Variants in NFASC observed in about 807,000 individuals in gnomAD.
NFASC encodes the protein neurofascin homolog.
NFASC carries 43 observed loss-of-function variants against 147.5 expected under a neutral mutation model. The ratio of observed to expected loss-of-function variants is 0.29; its 90% confidence interval spans 0.23 to 0.38. NFASC has a LOEUF of 0.38. NFASC is among the 10% of genes least tolerant of loss of function. NFASC has a pLI of 1.00. For missense variants in NFASC, 1,320 were observed against 1,689.0 expected (o/e 0.78, Z 3.83); for synonymous variants, 622 against 665.5 (o/e 0.93, Z 1.01).
chr1:204,930,203 A>G (rs769542291), intron 2 of NFASC, among the ~76,000 whole-genome samples: 4 of 152,112 alleles, frequency 2.6e-5, no homozygotes, highest in Non-Finnish European at 5.9e-5. Context: ...GAGTGGAGCA[A>G]ATAGGGTGAC....
Position 205,022,150 on chromosome 1 carries a change from ACT to A in NFASC, c.*5614_*5615del, listed in dbSNP as rs1347709996. 6.6e-6 allele frequency: 1 copy of A among 152,436 alleles called. No individual in the cohort carries two copies. Among genetic ancestry groups the A allele is most frequent in the Non-Finnish European group, 1.5e-5 (1 of 68,004 alleles). 9.4% of individuals were successfully genotyped at this position (152,436 alleles called of 1,614,324 possible). A position where few individuals can be genotyped will look rare whatever the true frequency, so the allele number is the denominator to read the frequency against. ...GAAGATATCCAGAATTTTGTACATT[ACT>A]CTGTTTCTTTTTCAAAAATGAGGCA... On this transcript the variant is annotated 3_prime_UTR_variant, in exon 30 of 30. Coordinates refer to ENST00000339876, the MANE Select transcript of NFASC (RefSeq NM_001005388.3).
chr1:204,933,922 A>G (rs530285278), intron 2 of NFASC, among the ~76,000 whole-genome samples: 2 of 152,092 alleles, frequency 1.3e-5, no homozygotes, highest in South Asian at 2.1e-4. Flanking sequence ...TGGATCATCT[A>G]TGGTCAGGAG....
At chr1:204,899,647 GGAAA>G (rs909603257) in intron 1 of NFASC, among the ~76,000 whole-genome samples, 2 of 152,128 alleles carry the variant, frequency 1.3e-5, no homozygotes, top group East Asian at 1.9e-4. Flanking sequence ...CTGATGTTAG[GGAAA>G]GAAAGAAAGA....
At chr1:204,863,795 C>T (rs993997501) in intron 1 of NFASC, among the ~76,000 whole-genome samples, 6 of 149,396 alleles carry the variant, frequency 4.0e-5, no homozygotes, top group African/African-American at 1.5e-4. Context: ...TTGCAGTGAG[C>T]CAAGATCGCG....
chr1:204,909,949 C>T (rs2086951875), intron 1 of NFASC, among the ~76,000 whole-genome samples: 1 of 151,722 alleles, frequency 6.6e-6, no homozygotes, highest in Non-Finnish European at 1.5e-5. Flanking sequence ...CTATGTGTCT[C>T]TTCCTTCACC....
intron 27 of NFASC, 140 bp from the exon 28 acceptor site, chr1:205,009,417 G>T: frequency 1.1e-6 from 1 of 910,440 alleles, no homozygotes. Context: ...GGTAGTTTGG[G>T]CCAGGGGGCT....
intron 1 of NFASC, among the ~76,000 whole-genome samples, chr1:204,853,571 C>A (rs2102712978): frequency 6.6e-6 from 1 of 152,302 alleles, no homozygotes; most frequent in East Asian, 1.9e-4. Context: ...GGAGCCAGTG[C>A]TTTGTGTTCT....
At position 204,859,879 on chromosome 1, in the gene NFASC, C is replaced by T. The variant is rs374973301; in HGVS notation, c.-200+31097C>T. The stretch of plus-strand genomic sequence containing the variant: ...GAAAACATACCCCTAAGCTGGAGGG[C>T]GCCAAGGGGACTGGGCAGTTGGAGA... On this transcript the variant is annotated intron_variant, in intron 1 of 29. Transcript: ENST00000339876. Among the ~76,000 whole-genome samples the T allele has an allele frequency of 1.1e-3, 170 of 152,264 alleles. 1 individual carries two copies. The highest frequency in any genetic ancestry group is 4.4e-3 in the South Asian group (21 of 4,816).
At position 205,014,131 on chromosome 1, in the gene NFASC, C is replaced by T. The variant is rs539748968; in HGVS notation, c.3491+1265C>T. Among the ~76,000 whole-genome samples the T allele has an allele frequency of 1.7e-4, 26 of 152,328 alleles. No individual in the cohort carries two copies. The East Asian group carries it at 4.8e-3, about 28-fold the overall frequency. On this transcript the variant is annotated intron_variant, in intron 29 of 29. Transcript: ENST00000339876. The stretch of plus-strand genomic sequence containing the variant: ...AGAGAGGAGGAGCTTGGACCTCCTC[C>T]AATACAAGGCTGGGCAGCCTGTACT...
intron 3 of NFASC, 45 bp downstream of exon 3, chr1:204,944,451 G>GA: frequency 1.7e-6 from 1 of 586,544 alleles, no homozygotes; most frequent in Non-Finnish European, 2.9e-6. Flanking sequence ...CTGATTTTGG[G>GA]CAGAGGGGTG....
At position 204,954,396 on chromosome 1, in the gene NFASC, G is replaced by A. The variant is rs1326344776; in HGVS notation, c.412+12G>A. ...CCTGCAGGTGTCTAGTGAGTAGCGT[G>A]GGGCAGGGCTGAAATGCCCTGCTCC... On this transcript the variant is annotated intron_variant, in intron 6 of 29. Coordinates refer to ENST00000339876, the MANE Select transcript of NFASC (RefSeq NM_001005388.3). This position sits in a 1 kb window ranked among gnomAD's most constrained non-coding sequence, Gnocchi z 5.7. 2 of 1,611,920 alleles carry A rather than the reference G, an allele frequency of 1.2e-6. No individual in the cohort carries two copies. Among genetic ancestry groups the A allele is most frequent in the East Asian group, 2.2e-5 (1 of 44,844 alleles).
At position 205,001,304 on chromosome 1, in the gene NFASC, G is replaced by GGGT. The variant is rs759025626; in HGVS notation, c.3136+27_3136+29dup. The GGGT allele has an allele frequency of 1.4e-4, 216 of 1,536,968 alleles. No homozygotes were observed. The highest frequency in any genetic ancestry group is 1.9e-4 in the Non-Finnish European group (208 of 1,115,108). On this transcript the variant is annotated intron_variant, in intron 26 of 29. Transcript: ENST00000339876. ...CATCGACAGTAAGCATTGCTGTGCG[G>GGGT]GGTGGTGGTGGCGGCAGCGGCGTCG... is the stretch of plus-strand genomic sequence containing the variant.
At position 205,016,112 on chromosome 1, in the gene NFASC, C is replaced by T. The variant is rs1478692272; in HGVS notation, c.3492-196C>T. 6.6e-6 allele frequency among the ~76,000 whole-genome samples: 1 copy of T among 152,222 alleles called. No homozygotes were observed. The highest frequency in any genetic ancestry group is 1.5e-5 in the Non-Finnish European group (1 of 68,046). On this transcript the variant is annotated intron_variant, in intron 29 of 29. Coordinates refer to ENST00000339876, the MANE Select transcript of NFASC (RefSeq NM_001005388.3). The surrounding 1 kb of genome is among the most constrained non-coding windows in gnomAD (Gnocchi z 5.1). ...GCCCTGCCCTGACCTGCAACCTCAC[C>T]TTAGAGAAGGTGCTTGTCCTCTCTA...
In NFASC at chr1:204,905,852, G is replaced by A. The variant is rs918212219; in HGVS notation, c.-199-14780G>A. Among the ~76,000 whole-genome samples, 13 of 152,080 alleles carry A rather than the reference G, an allele frequency of 8.5e-5. No individual in the cohort carries two copies. In the South Asian group the frequency reaches 1.4e-3, roughly 17 times the overall value. ...CATTAGAGGTGATACAAAACTTTTC[G>A]CAAAGTGGTTGCAATATATAAGAAA... On this transcript the variant is annotated intron_variant, in intron 1 of 29. Coordinates refer to ENST00000339876, the MANE Select transcript of NFASC (RefSeq NM_001005388.3).
intron 1 of NFASC, among the ~76,000 whole-genome samples, chr1:204,844,412 G>C (rs1676355258): frequency 6.6e-6 from 1 of 152,158 alleles, no homozygotes; most frequent in Non-Finnish European, 1.5e-5. Flanking sequence ...TGATGGCTTT[G>C]GTGAGCAACC....
Position 205,015,691 on chromosome 1 carries a change from G to A in NFASC, c.3492-617G>A, listed in dbSNP as rs1228113696. 2.6e-5 allele frequency among the ~76,000 whole-genome samples: 4 copies of A among 152,050 alleles called. No individual in the cohort carries two copies. Among genetic ancestry groups the A allele is most frequent in the African/African-American group, 7.2e-5 (3 of 41,396 alleles). On this transcript the variant is annotated intron_variant, in intron 29 of 29. Coordinates refer to ENST00000339876, the MANE Select transcript of NFASC (RefSeq NM_001005388.3). The surrounding 1 kb of genome is among the most constrained non-coding windows in gnomAD (Gnocchi z 4.0). Reference sequence around the variant, plus strand: ...GCCCCCCCACCACCACCACTCTTGCGCACCTGTGCTTGCTAGGCCCAAAGC... The same window carrying A: ...GCCCCCCCACCACCACCACTCTTGCACACCTGTGCTTGCTAGGCCCAAAGC...
At chr1:204,952,739 C>T (rs2094198062) in intron 5 of NFASC, among the ~76,000 whole-genome samples, 1 of 152,196 alleles carries the variant, frequency 6.6e-6, no homozygotes, top group Non-Finnish European at 1.5e-5. Flanking sequence ...GGAGACATGA[C>T]AGACGTTATT....
chr1:205,012,999 G>A (rs2096280721), intron 29 of NFASC, 133 bp downstream of exon 29: 3 of 685,916 alleles, frequency 4.4e-6, no homozygotes, highest in Non-Finnish European at 5.3e-6. Context: ...CTGTGACTCT[G>A]CCTCTCTGGT....
At chr1:204,991,166 G>A (rs1322255033) in intron 23 of NFASC, 126 bp from the exon 24 acceptor site, 40 of 1,142,448 alleles carry the variant, frequency 3.5e-5, no homozygotes, top group Non-Finnish European at 4.9e-5. Context: ...CACGCCGTCT[G>A]CATAAGGTTT....
Sources: gnomAD v4.1 joint callset for allele counts (sites outside exome capture counted in the v4.1 genomes callset) on GRCh38, gnomAD v4.1.1 for gene constraint, Gnocchi (gnomAD v3.1) non-coding constraint, MANE v1.5 for transcripts, NCBI Gene and HGNC (gene_info 2026-07-23, HGNC 2026-07-21) for gene names.